The following DCC variants were observed in gnomAD, a reference collection of about 807,000 sequenced individuals.
DCC encodes netrin receptor DCC.
In DCC, 58 loss-of-function variants were observed where a neutral mutation model predicts 172.5. That is an observed-to-expected ratio of 0.34 (90% CI 0.27 to 0.42). The LOEUF (loss-of-function observed/expected upper bound fraction) is 0.42, where lower values mean the gene tolerates loss of function less well. Ranked by LOEUF, DCC falls within the 10% of genes least tolerant of loss-of-function variation. The probability of loss-of-function intolerance (pLI) is 1.00; values close to 1 mark genes in which losing one functional copy is unlikely to be tolerated. For synonymous variants in DCC, 709 were observed against 644.5 expected (o/e 1.10, Z -1.52); for missense variants, 1,740 against 1,791.0 (o/e 0.97, Z 0.51).
chr18:52,476,966 C>G (rs1989111832), intron 1 of DCC, among the ~76,000 whole-genome samples: 1 of 152,048 alleles, frequency 6.6e-6, no homozygotes, highest in Non-Finnish European at 1.5e-5. Flanking sequence ...GCTTATAAAG[C>G]AATTATATAC....
At chr18:53,130,847 A>C (rs1472165469) in intron 7 of DCC, among the ~76,000 whole-genome samples, 1 of 151,940 alleles carries the variant, frequency 6.6e-6, no homozygotes, top group East Asian at 1.9e-4. Context: ...CTTTCCTGAA[A>C]TGTATTGTTT....
At chr18:53,208,828 T>C (rs943912312) in intron 11 of DCC, among the ~76,000 whole-genome samples, 8 of 152,114 alleles carry the variant, frequency 5.3e-5, no homozygotes, top group African/African-American at 1.9e-4. Flanking sequence ...CTCTCGGGTT[T>C]AAGTGATTCT....
At chr18:53,267,540 T>C (rs1394698538) in intron 12 of DCC, among the ~76,000 whole-genome samples, 5 of 152,102 alleles carry the variant, frequency 3.3e-5, no homozygotes, top group Admixed American at 2.6e-4. Flanking sequence ...AATGCAGTGG[T>C]GCAAACACTG....
intron 12 of DCC, among the ~76,000 whole-genome samples, chr18:53,218,163 G>A (rs769779352): frequency 5.9e-5 from 9 of 152,074 alleles, no homozygotes; most frequent in Middle Eastern, 3.4e-3. Context: ...AATTTTTTAC[G>A]TAATTTATTT....
At chr18:53,090,723 A>C (rs1384931514) in intron 7 of DCC, among the ~76,000 whole-genome samples, 4 of 137,776 alleles carry the variant, frequency 2.9e-5, no homozygotes, top group Admixed American at 7.3e-5. Context: ...AAAAAAAAAA[A>C]AAAAAAAAAA....
intron 1 of DCC, among the ~76,000 whole-genome samples, chr18:52,407,988 T>G (rs1461357122): frequency 1.3e-5 from 2 of 152,122 alleles, no homozygotes; most frequent in African/African-American, 4.8e-5. Flanking sequence ...TTGGTTAATG[T>G]GGTTAAGACT....
intron 12 of DCC, among the ~76,000 whole-genome samples, chr18:53,262,902 T>G (rs1217339286): frequency 6.6e-6 from 1 of 152,182 alleles, no homozygotes; most frequent in East Asian, 1.9e-4. Flanking sequence ...AGTTGTTCAT[T>G]TGGAATGAAA....
intron 2 of DCC, among the ~76,000 whole-genome samples, chr18:52,818,829 T>A (rs180835881): frequency 6.6e-6 from 1 of 152,278 alleles, no homozygotes; most frequent in African/African-American, 2.4e-5. Context: ...TTTGGTGCAA[T>A]AAAGAATCAT....
chr18:53,337,103 T>C (rs1321199593), intron 14 of DCC, among the ~76,000 whole-genome samples: 2 of 152,212 alleles, frequency 1.3e-5, no homozygotes, highest in Non-Finnish European at 2.9e-5. Context: ...AATTGTGTAG[T>C]TACTAACTTA....
intron 1 of DCC, among the ~76,000 whole-genome samples, chr18:52,675,683 G>T (rs2035634627): frequency 6.6e-6 from 1 of 152,092 alleles, no homozygotes; most frequent in African/African-American, 2.4e-5. Context: ...GATTGTTTTT[G>T]TACTGTGTTT....
intron 1 of DCC, among the ~76,000 whole-genome samples, chr18:52,503,838 G>T (rs2031123033): frequency 6.6e-6 from 1 of 152,016 alleles, no homozygotes; most frequent in South Asian, 2.1e-4. Context: ...GCCCTGATGG[G>T]GTATTCAGCC....
At chr18:52,430,418 T>C (rs997847415) in intron 1 of DCC, among the ~76,000 whole-genome samples, 5 of 151,986 alleles carry the variant, frequency 3.3e-5, no homozygotes, top group Non-Finnish European at 7.4e-5. Context: ...GTTAATTGGA[T>C]GTGAGGTGTA....
rs995402900 is a variant in DCC at position 52,667,780 on chromosome 18, A to T, written c.92-84274A>T. Among the ~76,000 whole-genome samples, 13 of 152,304 alleles carry T rather than the reference A, an allele frequency of 8.5e-5. No homozygotes were observed. The South Asian group carries it at 1.2e-3, about 15-fold the overall frequency. ...TCCCTAAGCAAAGAAAGAAAGAAAG[A>T]AAGTAAAAGAAATTAGGGGTGGTAA... On this transcript the variant is annotated intron_variant, in intron 1 of 28. Transcript: ENST00000442544.
intron 7 of DCC, among the ~76,000 whole-genome samples, chr18:53,080,100 A>G (rs1003085660): frequency 3.9e-5 from 6 of 152,090 alleles, no homozygotes; most frequent in African/African-American, 1.2e-4. Flanking sequence ...GGAAAGCTGT[A>G]TCATCAGTAG....
rs577122101 is a variant in DCC at position 52,521,431 on chromosome 18, G to C, written c.91+180553G>C. Among the ~76,000 whole-genome samples the C allele has an allele frequency of 1.9e-4, 29 of 152,252 alleles. No homozygotes were observed. In the East Asian group the frequency reaches 5.4e-3, roughly 28 times the overall value. ...TTGTCTCAGTTCCGGAGGCTGGGAAGTCCAAGATCAAGGTCTGGTAGGGTT... is the reference window on the plus strand; with the variant it reads ...TTGTCTCAGTTCCGGAGGCTGGGAACTCCAAGATCAAGGTCTGGTAGGGTT... On this transcript the variant is annotated intron_variant, in intron 1 of 28. Coordinates refer to ENST00000442544, the MANE Select transcript of DCC (RefSeq NM_005215.4).
intron 26 of DCC, among the ~76,000 whole-genome samples, chr18:53,498,826 A>G (rs921803262): frequency 1.3e-5 from 2 of 152,166 alleles, no homozygotes; most frequent in Admixed American, 6.5e-5. Flanking sequence ...TTTATTAGCA[A>G]TGCCTCTGAG....
At chr18:53,193,829 G>A (rs775323757) in intron 9 of DCC, among the ~76,000 whole-genome samples, 12 of 152,108 alleles carry the variant, frequency 7.9e-5, no homozygotes, top group Non-Finnish European at 1.3e-4. Context: ...TTGATTCCCC[G>A]AAGAGATGGT....
chr18:53,278,025 A>G (rs934861498), intron 12 of DCC, among the ~76,000 whole-genome samples: 15 of 152,180 alleles, frequency 9.9e-5, no homozygotes, highest in African/African-American at 3.6e-4. Flanking sequence ...TTGGGATTGC[A>G]ACAGATATTT....
chr18:52,681,570 T>C (rs8098286), intron 1 of DCC, among the ~76,000 whole-genome samples: 150,879 of 152,184 alleles, frequency 0.99, 74,805 homozygotes, highest in East Asian at 1. Flanking sequence ...TACTCTGAAG[T>C]AGGGAGCATT....
Sources: gnomAD v4.1 joint callset for allele counts (sites outside exome capture counted in the v4.1 genomes callset) on GRCh38, gnomAD v4.1.1 for gene constraint, MANE v1.5 for transcripts, NCBI Gene and HGNC (gene_info 2026-07-23, HGNC 2026-07-21) for gene names.